Variants in KCNMA1 observed in about 807,000 individuals in gnomAD.
The protein encoded by KCNMA1 is Calcium-activated potassium channel subunit alpha-1.
Under a neutral mutation model 140.0 loss-of-function variants are expected in KCNMA1, and 29 were observed. The observed-to-expected ratio is 0.21, with a 90% CI of 0.15 to 0.28. The LOEUF is 0.28. KCNMA1 is among the 10% of genes least tolerant of loss of function. The pLI, the probability that KCNMA1 is intolerant of heterozygous loss-of-function variation, is 1.00. For synonymous variants in KCNMA1, 612 were observed against 611.9 expected, an observed-to-expected ratio of 1.00 and a Z score of 0.00; for missense variants, 880 against 1,602.2, an observed-to-expected ratio of 0.55 and a Z score of 7.70.
intron 23 of KCNMA1, 139 bp from the exon 24 acceptor site, chr10:76,915,188 T>G: frequency 2.3e-5 from 15 of 644,332 alleles, no homozygotes; most frequent in Non-Finnish European, 3.5e-5. Context: ...ATTCCCGGGA[T>G]AAACTCTGAT....
At chr10:77,409,018 C>T (rs2096559819) in intron 1 of KCNMA1, among the ~76,000 whole-genome samples, 2 of 152,298 alleles carry the variant, frequency 1.3e-5, no homozygotes, top group South Asian at 4.1e-4. Context: ...CCCCTCCCGA[C>T]ACCCACCCTA....
intron 5 of KCNMA1, among the ~76,000 whole-genome samples, chr10:77,133,936 G>A (rs766166057): frequency 6.6e-6 from 1 of 152,028 alleles, no homozygotes; most frequent in Non-Finnish European, 1.5e-5. Context: ...AGTAATAAGA[G>A]CATGGCAACA....
intron 23 of KCNMA1, among the ~76,000 whole-genome samples, chr10:76,937,344 TACA>T (rs2060825670): frequency 6.6e-6 from 1 of 152,252 alleles, no homozygotes; most frequent in African/African-American, 2.4e-5. Context: ...CCGTCCTCTT[TACA>T]ACATTTTTCT....
intron 14 of KCNMA1, among the ~76,000 whole-genome samples, chr10:77,048,059 G>A (rs1157140122): frequency 6.6e-6 from 1 of 150,446 alleles, no homozygotes; most frequent in Non-Finnish European, 1.5e-5. Flanking sequence ...AAGGCAGGAG[G>A]ATCGTTTGAG....
chr10:77,016,445 G>A lies in KCNMA1; in HGVS notation c.2015+2568C>T, dbSNP rs1245013372. ...TGTATAGAGCCTTCTAAATGTAAACGACTTATACACATTTGATGGGCGAAT... is the reference window on the plus strand; with the variant it reads ...TGTATAGAGCCTTCTAAATGTAAACAACTTATACACATTTGATGGGCGAAT... On this transcript the variant is annotated intron_variant, in intron 17 of 27. Coordinates refer to ENST00000286628, the MANE Select transcript of KCNMA1 (RefSeq NM_001161352.2). 2.6e-5 allele frequency among the ~76,000 whole-genome samples: 4 copies of A among 152,186 alleles called. No homozygotes were observed. In the East Asian group the frequency reaches 7.7e-4, roughly 29 times the overall value.
intron 13 of KCNMA1, 83 bp from the exon 14 acceptor site, chr10:77,073,335 C>T (rs2096275060): frequency 9.9e-6 from 14 of 1,418,590 alleles, no homozygotes; most frequent in Non-Finnish European, 1.3e-5. Flanking sequence ...TGCAGCATTG[C>T]CCAACCACTC....
chr10:77,351,042 T>C (rs779675548), intron 2 of KCNMA1, among the ~76,000 whole-genome samples: 3 of 152,128 alleles, frequency 2.0e-5, no homozygotes, highest in Non-Finnish European at 2.9e-5. Flanking sequence ...TTCTGAAAGA[T>C]CAAAGAAAAA....
At chr10:76,912,508 G>C (rs535382341) in intron 24 of KCNMA1, 1 of 152,312 alleles carries the variant, frequency 6.6e-6, no homozygotes, top group Admixed American at 6.5e-5. Flanking sequence ...GTGGTATAGT[G>C]GCTAGAGAAA....
intron 23 of KCNMA1, among the ~76,000 whole-genome samples, chr10:76,931,133 T>A (rs2059167760): frequency 6.6e-6 from 1 of 151,998 alleles, no homozygotes; most frequent in Non-Finnish European, 1.5e-5. Context: ...AAAGAATAGA[T>A]CTTAAGTGTC....
At chr10:77,054,894 G>A (rs975676890) in intron 14 of KCNMA1, among the ~76,000 whole-genome samples, 9 of 152,026 alleles carry the variant, frequency 5.9e-5, no homozygotes, top group African/African-American at 1.5e-4. Context: ...ACCAGGAGAC[G>A]CACAGGATGC....
chr10:77,086,043 C>T (rs191600868), intron 11 of KCNMA1, among the ~76,000 whole-genome samples: 31 of 152,260 alleles, frequency 2.0e-4, no homozygotes, highest in Admixed American at 5.2e-4. Flanking sequence ...AATGTTTTAT[C>T]GCTTAGTAAA....
At chr10:77,217,652 G>A (rs1234330189) in intron 3 of KCNMA1, 3 of 400,684 alleles carry the variant, frequency 7.5e-6, no homozygotes, top group African/African-American at 6.2e-5. Context: ...GGTATGAAGT[G>A]CAGTTGCACC....
chr10:76,889,755 T>C (rs1825277034), intron 26 of KCNMA1, 186 bp from the exon 27 acceptor site: 1 of 644,576 alleles, frequency 1.6e-6, no homozygotes, highest in Non-Finnish European at 2.8e-6. Flanking sequence ...ATATGTGTGA[T>C]TTTTAGGGAT....
intron 19 of KCNMA1, chr10:76,995,202 G>A (rs1318134276): frequency 6.1e-6 from 1 of 164,078 alleles, no homozygotes; most frequent in Non-Finnish European, 1.3e-5. Context: ...GGCCCATTTA[G>A]AGAGAAATTA....
chr10:77,537,512 C>A (rs1006954478), intron 1 of KCNMA1, among the ~76,000 whole-genome samples: 2 of 152,212 alleles, frequency 1.3e-5, no homozygotes, highest in African/African-American at 4.8e-5. Flanking sequence ...CCTTGGAAAG[C>A]ATCTTCCCTA....
chr10:77,245,261 G>A (rs1191803421), intron 3 of KCNMA1, among the ~76,000 whole-genome samples: 1 of 152,196 alleles, frequency 6.6e-6, no homozygotes, highest in Non-Finnish European at 1.5e-5. Flanking sequence ...GTAGGCTGGT[G>A]AGCTTCCTTT....
intron 5 of KCNMA1, among the ~76,000 whole-genome samples, chr10:77,150,641 A>C (rs1042294493): frequency 6.6e-6 from 1 of 152,276 alleles, no homozygotes; most frequent in African/African-American, 2.4e-5. Flanking sequence ...AAGTGCTGAG[A>C]GCATAGCCCA....
intron 3 of KCNMA1, among the ~76,000 whole-genome samples, chr10:77,226,127 A>G (rs547199329): frequency 7.2e-5 from 11 of 152,190 alleles, no homozygotes; most frequent in Non-Finnish European, 1.5e-4. Flanking sequence ...GAAATGCCAA[A>G]TAATATTAAA....
intron 13 of KCNMA1, among the ~76,000 whole-genome samples, chr10:77,073,901 T>C (rs931241276): frequency 6.6e-6 from 1 of 152,146 alleles, no homozygotes; most frequent in African/African-American, 2.4e-5. Context: ...CTCTTGCAAA[T>C]GGACTGGTCC....
Sources: gnomAD v4.1 joint callset for allele counts (sites outside exome capture counted in the v4.1 genomes callset) on GRCh38, gnomAD v4.1.1 for gene constraint, MANE v1.5 for transcripts, NCBI Gene and HGNC (gene_info 2026-07-23, HGNC 2026-07-21) for gene names.